The following OXSM variants were observed in gnomAD, a reference collection of about 807,000 sequenced individuals.
OXSM encodes the protein 3-oxoacyl-[acyl-carrier-protein] synthase, mitochondrial.
Under a neutral mutation model 29.2 loss-of-function variants are expected in OXSM, and 19 were observed. The ratio of observed to expected loss-of-function variants is 0.65; its 90% CI spans 0.45 to 0.96. The LOEUF (loss-of-function observed/expected upper bound fraction) is 0.96. OXSM is among the 40% of genes least tolerant of loss of function. OXSM has a pLI of 0.00. For synonymous variants in OXSM, 178 were observed against 197.1 expected (o/e 0.90, Z 0.81); for missense variants, 554 against 551.3 (o/e 1.00, Z -0.05).
At position 25,790,123 on chromosome 3, in the gene OXSM, AGTGTCC is replaced by A. The variant is rs1380774013; in HGVS notation, c.-54_-49del. ...GCGTCATCGCCCCCGACTGTGGAGA[AGTGTCC>A]GGGGTAGCCCCGTTACAGGTATCGC... On this transcript the variant is annotated 5_prime_UTR_variant, in exon 1 of 3. Transcript: ENST00000280701. 1.7e-6 allele frequency: 1 copy of A among 574,768 alleles called. No homozygotes were observed. Among genetic ancestry groups the A allele is most frequent in the Admixed American group, 3.2e-5 (1 of 31,280 alleles). The allele number at this position is 574,768 out of a possible 1,614,324, so 35.6% of individuals were successfully genotyped here. A position where few individuals can be genotyped will look rare whatever the true frequency, so the allele number is the denominator to read the frequency against.
rs769097304 is a variant in OXSM, at chr3:25,791,604, G to T, written c.584G>T (p.Arg195Leu). The T allele has an allele frequency of 1.2e-6, 2 of 1,613,990 alleles. No individual in the cohort carries two copies. Among genetic ancestry groups the T allele is most frequent in the Non-Finnish European group, 8.5e-7 (1 of 1,180,020 alleles). ...VNMAAGQVSI[R>L]YKLKGPNHAV... ...ATGGCAGCAGGCCAGGTCAGCATTC[G>T]ATATAAACTCAAGGGCCCAAATCAT... Residue 195 changes from arginine to leucine, a missense_variant, in exon 2 of 3, where the codon CGA (arginine) becomes CTA (leucine). Coordinates refer to ENST00000280701, the MANE Select transcript of OXSM (RefSeq NM_017897.3).
chr3:25,794,445 C>G lies in OXSM; in HGVS notation c.1331C>G (p.Ser444Cys), dbSNP rs769249202. 6.2e-7 allele frequency: 1 copy of G among 1,613,512 alleles called. No homozygotes were observed. Among genetic ancestry groups the G allele is most frequent in the Non-Finnish European group, 8.5e-7 (1 of 1,179,492 alleles). ...TEKRFIGLTN[S>C]FGFGGTNATL... ...AAAAGATTTATTGGCCTCACCAATT[C>G]CTTTGGTTTTGGTGGTACTAATGCA... The change falls in exon 3 of 3, where the codon TCC (serine) becomes TGC (cysteine). Residue 444 changes from serine (S) to cysteine (C), a missense_variant. Physicochemically the swap from Ser to Cys is moderately radical, Grantham distance 112. Transcript: ENST00000280701.
At chr3:25,793,667 T>C (rs1708813745) in intron 2 of OXSM, among the ~76,000 whole-genome samples, 2 of 152,240 alleles carry the variant, frequency 1.3e-5, no homozygotes, top group African/African-American at 4.8e-5. Flanking sequence ...TGCCAAGTTT[T>C]GAATTTAAAT....
chr3:25,790,103 A>G lies in OXSM; in HGVS notation c.-76A>G, dbSNP rs41285081. The G allele has an allele frequency of 2.0e-5, 12 of 590,708 alleles. No homozygotes were observed. The highest frequency in any genetic ancestry group is 3.3e-5 in the Non-Finnish European group (11 of 332,316). The allele number at this position is 590,708 out of a possible 1,614,324, so 36.6% of individuals were successfully genotyped here. A position where few individuals can be genotyped will look rare whatever the true frequency, so the allele number is the denominator to read the frequency against. On this transcript the variant is annotated 5_prime_UTR_variant, in exon 1 of 3. Coordinates refer to ENST00000280701, the MANE Select transcript of OXSM (RefSeq NM_017897.3). ...GTGTGCGCGTGCGCTCGAGAGCGTC[A>G]TCGCCCCCGACTGTGGAGAAGTGTC...
rs1374517251 is a variant in OXSM at position 25,791,356 on chromosome 3, C to T, written c.336C>T (p.Ile112=). The change falls in exon 2 of 3, where the codon ATC becomes ATT. Residue 112 remains isoleucine (I), a synonymous_variant. Coordinates refer to ENST00000280701, the MANE Select transcript of OXSM (RefSeq NM_017897.3). ...NEQNFVSKSD[I]KSMSSPTIMA... ...AAAACTTTGTGTCCAAATCAGATATCAAGTCCATGTCTTCTCCCACCATCA... is the reference window on the plus strand; with the variant it reads ...AAAACTTTGTGTCCAAATCAGATATTAAGTCCATGTCTTCTCCCACCATCA... 3 of 1,613,952 alleles carry T rather than the reference C, an allele frequency of 1.9e-6. No individual in the cohort carries two copies. The highest frequency in any genetic ancestry group is 4.5e-5 in the East Asian group (2 of 44,892).
rs1026084048 is a variant in OXSM, at chr3:25,790,145, C to G, written c.-34C>G. 7.8e-6 allele frequency: 4 copies of G among 510,452 alleles called. No individual in the cohort carries two copies. Among genetic ancestry groups the G allele is most frequent in the Non-Finnish European group, 1.4e-5 (4 of 286,934 alleles). The allele number at this position is 510,452 out of a possible 1,614,324, so 31.6% of individuals were successfully genotyped here. The stretch of plus-strand genomic sequence containing the variant: ...AGAAGTGTCCGGGGTAGCCCCGTTA[C>G]AGGTATCGCTGGCTACCCTCCTCCT... On this transcript the variant is annotated splice_region_variant and 5_prime_UTR_variant, in exon 1 of 3. Coordinates refer to ENST00000280701, the MANE Select transcript of OXSM (RefSeq NM_017897.3).
chr3:25,791,909 C>T lies in OXSM; in HGVS notation c.889C>T (p.Arg297Trp), dbSNP rs762840852. The T allele has an allele frequency of 3.7e-6, 6 of 1,604,666 alleles. No individual in the cohort carries two copies. The highest frequency in any genetic ancestry group is 1.1e-5 in the South Asian group (1 of 91,070). The change falls in exon 2 of 3, where the codon CGG (arginine) becomes TGG (tryptophan). Residue 297 changes from arginine (R) to tryptophan (W), a missense_variant. Transcript: ENST00000280701. ...TGAACATGCTGTTCAAAGAAGAGCC[C>T]GGATCTATGCAGAAGTTTTGGGCTA... is the stretch of plus-strand genomic sequence containing the variant. ...EYEHAVQRRA[R>W]IYAEVLGYGL... is the part of the protein sequence containing the mutation.
At position 25,794,098 on chromosome 3, in the gene OXSM, GGCT is replaced by G. The variant is rs772068147; in HGVS notation, c.991_993del (p.Ala331del). ...TCTTTTCTTGTTTTATTAGGTGTAT[GGCT>G]GCTGCTTTAAAAGATGCAGGTGTGC... On this transcript the variant is annotated inframe_deletion, in exon 3 of 3. Coordinates refer to ENST00000280701, the MANE Select transcript of OXSM (RefSeq NM_017897.3). 3.7e-6 allele frequency: 6 copies of G among 1,610,540 alleles called. No individual in the cohort carries two copies. Among genetic ancestry groups the G allele is most frequent in the Non-Finnish European group, 5.1e-6 (6 of 1,178,560 alleles).
Position 25,794,354 on chromosome 3 carries a change from G to C in OXSM, c.1240G>C (p.Asp414His). The C allele has an allele frequency of 6.2e-7, 1 of 1,614,198 alleles. No homozygotes were observed. The highest frequency in any genetic ancestry group is 2.2e-5 in the East Asian group (1 of 44,890). ...YQKLPPTLNL[D>H]CSEPEFDLNY... Reference sequence around the variant, plus strand: ...AAAACTACCACCTACTTTAAACCTGGATTGTTCGGAACCAGAATTTGATCT... The same window carrying C: ...AAAACTACCACCTACTTTAAACCTGCATTGTTCGGAACCAGAATTTGATCT... The change falls in exon 3 of 3, where the codon GAT becomes CAT. Residue 414 changes from aspartate to histidine, a missense_variant. By Grantham distance (81) the Asp-to-His change is moderately conservative. Transcript: ENST00000280701.
chr3:25,793,122 G>A (rs1040467335), intron 2 of OXSM, among the ~76,000 whole-genome samples: 2 of 149,240 alleles, frequency 1.3e-5, no homozygotes, highest in Admixed American at 1.3e-4. Context: ...TATTTTATTT[G>A]TTTTTGTTTG....
intron 2 of OXSM, among the ~76,000 whole-genome samples, chr3:25,792,406 G>A (rs1299367428): frequency 1.3e-5 from 2 of 152,174 alleles, no homozygotes; most frequent in African/African-American, 4.8e-5. Flanking sequence ...TTTCAAATCA[G>A]CACTTCTCAA....
chr3:25,791,736 G>C lies in OXSM; in HGVS notation c.716G>C (p.Cys239Ser), dbSNP rs1708759798. Reference sequence around the variant, plus strand: ...ATGGTGGCTGGAGGTACAGATTCTTGTATTAGCCCTTTATCTCTTGCTGGG... The same window carrying C: ...ATGGTGGCTGGAGGTACAGATTCTTCTATTAGCCCTTTATCTCTTGCTGGG... ...DVMVAGGTDS[C>S]ISPLSLAGFS... is the part of the protein sequence containing the mutation. The change falls in exon 2 of 3, where the codon TGT becomes TCT. Residue 239 changes from cysteine to serine, a missense_variant. Physicochemically the swap from Cys to Ser is moderately radical, Grantham distance 112. Coordinates refer to ENST00000280701, the MANE Select transcript of OXSM (RefSeq NM_017897.3). 6 of 1,614,174 alleles carry C rather than the reference G, an allele frequency of 3.7e-6. No homozygotes were observed. The African/African-American group carries it at 6.7e-5, about 18-fold the overall frequency.
Position 25,791,997 on chromosome 3 carries a change from G to A in OXSM, c.977G>A (p.Arg326Lys). The change falls in exon 2 of 3, where the codon AGG (arginine) becomes AAG (lysine). Residue 326 changes from arginine (R) to lysine (K), a missense_variant and splice_region_variant. Transcript: ENST00000280701. ...GATCCTGAAGGAGAAGGTGCCTTAA[G>A]GTAAAGATGGGTTATTTCCTTCGAA... ...APDPEGEGAL[R>K]CMAAALKDAG... 2 of 1,588,158 alleles carry A rather than the reference G, an allele frequency of 1.3e-6. No individual in the cohort carries two copies. Among genetic ancestry groups the A allele is most frequent in the Non-Finnish European group, 1.7e-6 (2 of 1,174,300 alleles).
Position 25,791,068 on chromosome 3 carries a change from T to C in OXSM, c.48T>C (p.Leu16=), listed in dbSNP as rs761227163. ...QNFLKITSTR[L]LCSRLCQQLR... ...TCCTGAAAATTACAAGCACTCGTCT[T>C]CTATGTTCAAGATTATGCCAACAGT... The change falls in exon 2 of 3, where the codon CTT becomes CTC. Residue 16 remains leucine (L), a synonymous_variant. Transcript: ENST00000280701. 6.2e-7 allele frequency: 1 copy of C among 1,613,848 alleles called. No homozygotes were observed. Among genetic ancestry groups the C allele is most frequent in the Non-Finnish European group, 8.5e-7 (1 of 1,179,694 alleles).
rs768227511 is a variant in OXSM, at chr3:25,794,320, T to C, written c.1206T>C (p.Cys402=). The C allele has an allele frequency of 6.2e-7, 1 of 1,614,226 alleles. No homozygotes were observed. The change falls in exon 3 of 3, where the codon TGT becomes TGC. Residue 402 remains cysteine, a synonymous_variant. Coordinates refer to ENST00000280701, the MANE Select transcript of OXSM (RefSeq NM_017897.3). ...AGGCAGCTTTTACCACATTAGCTTG[T>C]TATTATCAAAAACTACCACCTACTT... ...AVEAAFTTLA[C]YYQKLPPTLN...
chr3:25,793,963 T>A (rs1575678558), intron 2 of OXSM, 129 bp from the exon 3 acceptor site: 1 of 745,274 alleles, frequency 1.3e-6, no homozygotes, highest in East Asian at 2.7e-5. Context: ...GTTCCGTTAC[T>A]AGAGCAAGGG....
Position 25,791,610 on chromosome 3 carries a change from A to G in OXSM, c.590A>G (p.Lys197Arg). Residue 197 changes from lysine (K) to arginine (R), a missense_variant, in exon 2 of 3, where the codon AAA (lysine) becomes AGA (arginine). Transcript: ENST00000280701. Reference protein sequence around the residue: ...MAAGQVSIRYKLKGPNHAVST... With the variant: ...MAAGQVSIRYRLKGPNHAVST... ...GCAGGCCAGGTCAGCATTCGATATA[A>G]ACTCAAGGGCCCAAATCATGCAGTA... The G allele has an allele frequency of 6.2e-7, 1 of 1,614,180 alleles. No individual in the cohort carries two copies. The highest frequency in any genetic ancestry group is 1.1e-5 in the South Asian group (1 of 91,088).
chr3:25,790,940 C>G (rs1458786063), intron 1 of OXSM, 50 bp from the exon 2 acceptor site: 38 of 1,399,042 alleles, frequency 2.7e-5, no homozygotes, highest in Non-Finnish European at 3.6e-5. Context: ...TCCTTAGGCC[C>G]TTAAGCTATT....
rs138561360 is a variant in OXSM at position 25,792,323 on chromosome 3, A to G, written c.977+326A>G. Among the ~76,000 whole-genome samples, 8 of 152,330 alleles carry G rather than the reference A, an allele frequency of 5.3e-5. No individual in the cohort carries two copies. In the East Asian group the frequency reaches 7.7e-4, roughly 15 times the overall value. ...ACAAAGTCCTCCTCTTTGACCCTTC[A>G]TCAGACTTGGAAAGTAAAGTCAACC... On this transcript the variant is annotated intron_variant, in intron 2 of 2. Transcript: ENST00000280701.
Sources: allele counts gnomAD v4.1 joint callset (sites outside exome capture counted in the v4.1 genomes callset), GRCh38; gene constraint gnomAD v4.1.1; transcripts MANE v1.5; gene names NCBI Gene and HGNC (gene_info 2026-07-23, HGNC 2026-07-21).